The following EMB variants were observed in gnomAD, a reference collection of about 807,000 sequenced individuals.
EMB encodes the protein embigin homolog.
In EMB, 31 loss-of-function variants were observed where a neutral mutation model predicts 41.4. The ratio of observed to expected loss-of-function variants is 0.75; its 90% CI spans 0.56 to 1.01. The LOEUF is 1.01. Ranked by LOEUF, EMB falls within the 50% of genes least tolerant of loss-of-function variation. The pLI, the probability that EMB is intolerant of heterozygous loss-of-function variation, is 0.00. For missense variants in EMB, 379 were observed against 388.3 expected, an observed-to-expected ratio of 0.98 and a Z score of 0.20; for synonymous variants, 137 against 140.4, an observed-to-expected ratio of 0.98 and a Z score of 0.17.
intron 1 of EMB, among the ~76,000 whole-genome samples, chr5:50,429,490 A>G (rs1163613377): frequency 1.3e-5 from 2 of 152,208 alleles, no homozygotes; most frequent in Admixed American, 6.5e-5. Flanking sequence ...GCTTTAGAAC[A>G]TTGCTTTTAC....
intron 6 of EMB, among the ~76,000 whole-genome samples, chr5:50,402,735 T>C (rs1745183915): frequency 6.6e-6 from 1 of 151,802 alleles, no homozygotes; most frequent in Non-Finnish European, 1.5e-5. Context: ...GAATGGTTAA[T>C]AAAATATTTT....
intron 1 of EMB, among the ~76,000 whole-genome samples, chr5:50,439,905 A>G (rs1745868464): frequency 6.6e-6 from 1 of 152,110 alleles, no homozygotes; most frequent in South Asian, 2.1e-4. Context: ...GTGGTCTTTT[A>G]TTACCCTTAC....
intron 6 of EMB, among the ~76,000 whole-genome samples, chr5:50,402,784 T>C (rs187666882): frequency 2.7e-5 from 4 of 150,232 alleles, no homozygotes; most frequent in South Asian, 4.2e-4. Context: ...ATTGTTTCTT[T>C]TAGACTTTTT....
At position 50,408,415 on chromosome 5, in the gene EMB, T is replaced by C. The variant is rs1745281658; in HGVS notation, c.472+2462A>G. ...CAGTGTACACTTTTGCTGTCTCCTC[T>C]GTCCTGGCATCAAGAGCGAAACACA... On this transcript the variant is annotated intron_variant, in intron 4 of 8. Coordinates refer to ENST00000303221, the MANE Select transcript of EMB (RefSeq NM_198449.3). 2.0e-5 allele frequency among the ~76,000 whole-genome samples: 3 copies of C among 152,148 alleles called. No individual in the cohort carries two copies. In the South Asian group the frequency reaches 6.2e-4, roughly 32 times the overall value.
At chr5:50,430,377 T>C (rs1745696965) in intron 1 of EMB, among the ~76,000 whole-genome samples, 1 of 152,204 alleles carries the variant, frequency 6.6e-6, no homozygotes, top group South Asian at 2.1e-4. Context: ...CTTTTTGAGA[T>C]TTCCAGCATC....
At chr5:50,428,116 TGC>T in intron 2 of EMB, 26 bp downstream of exon 2, 1 of 1,510,478 alleles carries the variant, frequency 6.6e-7, no homozygotes, top group Admixed American at 1.9e-5. Flanking sequence ...TTTTTCGAAT[TGC>T]ATTATTTGAA....
intron 1 of EMB, among the ~76,000 whole-genome samples, chr5:50,434,265 C>T (rs1290422832): frequency 6.6e-6 from 1 of 152,184 alleles, no homozygotes; most frequent in Non-Finnish European, 1.5e-5. Flanking sequence ...GCCAACAGTA[C>T]CAAAGTTGAA....
chr5:50,404,471 C>T (rs1745217113), intron 5 of EMB, among the ~76,000 whole-genome samples: 1 of 151,872 alleles, frequency 6.6e-6, no homozygotes, highest in African/African-American at 2.4e-5. Context: ...TCCTATTCCC[C>T]AAACTTTTCT....
At chr5:50,424,169 G>A (rs1257392758) in intron 2 of EMB, among the ~76,000 whole-genome samples, 1 of 151,976 alleles carries the variant, frequency 6.6e-6, no homozygotes, top group Non-Finnish European at 1.5e-5. Context: ...AATTTTGATC[G>A]GTAGAAACTT....
chr5:50,413,375 C>T (rs567506605), intron 2 of EMB, among the ~76,000 whole-genome samples: 2 of 152,158 alleles, frequency 1.3e-5, no homozygotes, highest in South Asian at 2.1e-4. Flanking sequence ...AGGAAGAATA[C>T]CCCACTACCT....
intron 1 of EMB, among the ~76,000 whole-genome samples, chr5:50,436,515 C>T (rs1413799110): frequency 2.6e-5 from 4 of 152,228 alleles, no homozygotes; most frequent in East Asian, 1.9e-4. Flanking sequence ...ACCTCCATCG[C>T]TGGTCTGACC....
rs564267378 is a variant in EMB at position 50,403,329 on chromosome 5, T to C, written c.726A>G (p.Gln242=). ...GESYWCRALF[Q]LGESEEHIEL... is the part of the protein sequence containing the mutation. ...CAATGTGTTCTTCACTCTCGCCTAA[T>C]TGGAATAGTGCACGGCACCAGTAAG... Residue 242 remains glutamine (Q), a synonymous_variant, in exon 6 of 9, where the codon CAA becomes CAG. Transcript: ENST00000303221. The C allele has an allele frequency of 1.1e-4, 180 of 1,612,820 alleles. No homozygotes were observed. Among genetic ancestry groups the C allele is most frequent in the South Asian group, 1.9e-4 (17 of 91,058 alleles).
intron 1 of EMB, 186 bp from the exon 2 acceptor site, chr5:50,428,413 T>A (rs1252781508): frequency 4.1e-6 from 5 of 1,213,610 alleles, no homozygotes; most frequent in African/African-American, 1.6e-5. Context: ...GTGAAAAAAA[T>A]TCTGATTTTT....
intron 1 of EMB, among the ~76,000 whole-genome samples, chr5:50,440,533 C>CAAAAAAAAAA (rs70972912): frequency 1.7e-5 from 1 of 60,040 alleles, no homozygotes; most frequent in African/African-American, 6.9e-5. Flanking sequence ...AACTCCGTCT[C>CAAAAAAAAAA]AAAAAAAAAA....
chr5:50,415,668 T>G (rs1272617018), intron 2 of EMB, among the ~76,000 whole-genome samples: 1 of 152,158 alleles, frequency 6.6e-6, no homozygotes, highest in East Asian at 1.9e-4. Context: ...TGTCTAAGAT[T>G]ACACATCAAG....
At chr5:50,430,378 T>C (rs1468778501) in intron 1 of EMB, among the ~76,000 whole-genome samples, 1 of 152,182 alleles carries the variant, frequency 6.6e-6, no homozygotes, top group Non-Finnish European at 1.5e-5. Context: ...TTTTTGAGAT[T>C]TCCAGCATCA....
At chr5:50,431,066 T>C (rs564219215) in intron 1 of EMB, among the ~76,000 whole-genome samples, 16 of 152,262 alleles carry the variant, frequency 1.1e-4, no homozygotes, top group African/African-American at 3.4e-4. Flanking sequence ...AAAAATACAA[T>C]CAGACATCCA....
intron 7 of EMB, 35 bp from the exon 8 acceptor site, chr5:50,399,948 C>G: frequency 6.8e-7 from 1 of 1,477,754 alleles, no homozygotes; most frequent in African/African-American, 1.4e-5. Context: ...TTACTAAATG[C>G]TTATATTATA....
Position 50,397,563 on chromosome 5 carries a change from T to C in EMB, c.*1710A>G, listed in dbSNP as rs1168156281. ...TCTATATTCCAAGTCACAAATACAC[T>C]GCTTTGAATTGTATTTAGTCAAACA... is the stretch of plus-strand genomic sequence containing the variant. On this transcript the variant is annotated 3_prime_UTR_variant, in exon 9 of 9. Coordinates refer to ENST00000303221, the MANE Select transcript of EMB (RefSeq NM_198449.3). 2 of 152,134 alleles carry C rather than the reference T, an allele frequency of 1.3e-5. No individual in the cohort carries two copies. The highest frequency in any genetic ancestry group is 4.8e-5 in the African/African-American group (2 of 41,458). The allele number at this position is 152,134 out of a possible 1,614,324, so 9.4% of individuals were successfully genotyped here.
Sources: gnomAD v4.1 joint callset for allele counts (sites outside exome capture counted in the v4.1 genomes callset) on GRCh38, gnomAD v4.1.1 for gene constraint, MANE v1.5 for transcripts, NCBI Gene and HGNC (gene_info 2026-07-23, HGNC 2026-07-21) for gene names.